SLC4A4: variants seen among roughly 807,000 people sequenced by gnomAD.
SLC4A4 encodes solute carrier family 4 member 4.
Under a neutral mutation model 111.5 loss-of-function variants are expected in SLC4A4, and 27 were observed. The observed-to-expected ratio is 0.24, with a 90% CI of 0.18 to 0.33. SLC4A4 has a LOEUF of 0.33. SLC4A4 is among the 10% of genes least tolerant of loss of function. The pLI is 1.00. For synonymous variants in SLC4A4, 443 were observed against 463.4 expected (o/e 0.96, Z 0.57); for missense variants, 909 against 1,315.5 (o/e 0.69, Z 4.78).
chr4:71,223,307 C>A (rs954448463), intron 1 of SLC4A4, among the ~76,000 whole-genome samples: 1 of 151,938 alleles, frequency 6.6e-6, no homozygotes, highest in African/African-American at 2.4e-5. Context: ...TCCCGGGTAG[C>A]TGGGACTACA....
intron 3 of SLC4A4, among the ~76,000 whole-genome samples, chr4:71,287,433 A>G (rs150017694): frequency 3.3e-5 from 5 of 152,342 alleles, no homozygotes; most frequent in African/African-American, 1.2e-4. Context: ...AAGAAGCAGT[A>G]GGATTGGCCT....
At chr4:71,332,469 G>A (rs1268634741) in intron 3 of SLC4A4, among the ~76,000 whole-genome samples, 1 of 147,738 alleles carries the variant, frequency 6.8e-6, no homozygotes, top group African/African-American at 2.5e-5. Flanking sequence ...TTTTGAGACG[G>A]AGTCTCGTTC....
At chr4:71,095,952 T>C (rs2148943433) in intron 2 of SLC4A4, among the ~76,000 whole-genome samples, 1 of 152,136 alleles carries the variant, frequency 6.6e-6, no homozygotes, top group Non-Finnish European at 1.5e-5. Context: ...TGTATGAAAG[T>C]GAGAGAGATT....
chr4:71,272,709 G>C (rs751533862), intron 3 of SLC4A4, among the ~76,000 whole-genome samples: 8 of 152,102 alleles, frequency 5.3e-5, no homozygotes, highest in Non-Finnish European at 8.8e-5. Context: ...ACGCATGAAG[G>C]ATATGACTTT....
intron 15 of SLC4A4, among the ~76,000 whole-genome samples, chr4:71,493,034 G>C (rs894093770): frequency 1.3e-5 from 2 of 151,670 alleles, no homozygotes; most frequent in African/African-American, 4.8e-5. Context: ...GGTTACATTC[G>C]TTCATTCATG....
chr4:71,445,927 A>G (rs1473916292), intron 8 of SLC4A4, among the ~76,000 whole-genome samples: 1 of 152,180 alleles, frequency 6.6e-6, no homozygotes, highest in African/African-American at 2.4e-5. Context: ...CTTCAGTGTT[A>G]AAAGAGCTGA....
intron 20 of SLC4A4, 57 bp downstream of exon 20, chr4:71,547,777 A>G (rs1272923113): frequency 1.4e-6 from 2 of 1,390,872 alleles, no homozygotes; most frequent in African/African-American, 1.4e-5. Flanking sequence ...ATAATTGGAC[A>G]TGTGAAGAGT....
chr4:71,567,077 T>A lies in SLC4A4; in HGVS notation c.*30T>A. 1 of 1,608,714 alleles carries A rather than the reference T, an allele frequency of 6.2e-7. No homozygotes were observed. The highest frequency in any genetic ancestry group is 8.5e-7 in the Non-Finnish European group (1 of 1,176,512). On this transcript the variant is annotated 3_prime_UTR_variant, in exon 25 of 26. Transcript: ENST00000264485. The stretch of plus-strand genomic sequence containing the variant: ...ATTCCTTTCCTTCAGTCACTCGGTA[T>A]GCCAAGGTAAAGGAGAGCCCAGTAT...
At chr4:71,153,548 C>T (rs1208984110) in intron 2 of SLC4A4, among the ~76,000 whole-genome samples, 1 of 152,116 alleles carries the variant, frequency 6.6e-6, no homozygotes. Context: ...TCACTTCCTT[C>T]ATCAGTAAAA....
At chr4:71,508,954 CA>C (rs1731661322) in intron 16 of SLC4A4, among the ~76,000 whole-genome samples, 1 of 152,126 alleles carries the variant, frequency 6.6e-6, no homozygotes, top group Non-Finnish European at 1.5e-5. Context: ...TCAACATATA[CA>C]AATCAAGAAA....
At chr4:71,165,317 T>C (rs1247448764) in intron 2 of SLC4A4, among the ~76,000 whole-genome samples, 3 of 152,210 alleles carry the variant, frequency 2.0e-5, no homozygotes, top group Non-Finnish European at 4.4e-5. Flanking sequence ...TGCCCATCAA[T>C]GATGGTCTGG....
chr4:71,413,270 A>G (rs141890237), intron 7 of SLC4A4, among the ~76,000 whole-genome samples: 1 of 152,176 alleles, frequency 6.6e-6, no homozygotes, highest in Admixed American at 6.5e-5. Context: ...TGCTGGGGCC[A>G]TATGTTCCCT....
In SLC4A4 at chr4:71,427,025, C is replaced by T. The variant is rs184373299; in HGVS notation, c.808-13591C>T. Among the ~76,000 whole-genome samples, 169 of 152,084 alleles carry T rather than the reference C, an allele frequency of 1.1e-3. 1 individual carries two copies. Among genetic ancestry groups the T allele is most frequent in the Non-Finnish European group, 2.0e-3 (134 of 67,960 alleles). ...TAGTATGTTTTATTAAAGTAAAACA[C>T]ACATATGGGTATGCATAGATAGATG... On this transcript the variant is annotated intron_variant, in intron 7 of 25. Transcript: ENST00000264485.
intron 16 of SLC4A4, among the ~76,000 whole-genome samples, chr4:71,507,144 T>C (rs1731491567): frequency 6.6e-6 from 1 of 152,070 alleles, no homozygotes; most frequent in African/African-American, 2.4e-5. Flanking sequence ...AAAAACACAC[T>C]GAAGTACACA....
intron 15 of SLC4A4, among the ~76,000 whole-genome samples, chr4:71,496,659 GC>G (rs1298785302): frequency 2.0e-5 from 3 of 151,982 alleles, no homozygotes; most frequent in Non-Finnish European, 2.9e-5. Context: ...GGGTGTGCTG[GC>G]CCTATCTACT....
intron 3 of SLC4A4, among the ~76,000 whole-genome samples, chr4:71,272,228 A>G (rs1722751736): frequency 6.6e-6 from 1 of 152,204 alleles, no homozygotes; most frequent in Non-Finnish European, 1.5e-5. Context: ...GAGTTGTAGA[A>G]AAGCTCATGT....
intron 2 of SLC4A4, among the ~76,000 whole-genome samples, chr4:71,240,421 A>G (rs1560804624): frequency 1.3e-5 from 2 of 152,232 alleles, no homozygotes; most frequent in South Asian, 2.1e-4. Flanking sequence ...TATAAGATGC[A>G]GTAACACAGT....
intron 3 of SLC4A4, among the ~76,000 whole-genome samples, chr4:71,315,210 A>G (rs1363227159): frequency 2.0e-5 from 3 of 152,016 alleles, no homozygotes; most frequent in Non-Finnish European, 4.4e-5. Flanking sequence ...TTCTGTGCCA[A>G]TTGGTATCAG....
chr4:71,261,015 C>A (rs1222161138), intron 3 of SLC4A4, among the ~76,000 whole-genome samples: 1 of 152,192 alleles, frequency 6.6e-6, no homozygotes, highest in East Asian at 1.9e-4. Context: ...TAAACAATAA[C>A]CACTATTCTT....
Sources: allele counts gnomAD v4.1 joint callset (sites outside exome capture counted in the v4.1 genomes callset), GRCh38; gene constraint gnomAD v4.1.1; transcripts MANE v1.5; gene names NCBI Gene and HGNC (gene_info 2026-07-23, HGNC 2026-07-21).